CSMD1: variants seen among roughly 807,000 people sequenced by gnomAD.
CSMD1 encodes the protein CUB and sushi domain-containing protein 1.
CSMD1 carries 213 observed loss-of-function variants against 417.5 expected under a neutral mutation model. The ratio of observed to expected loss-of-function variants is 0.51; its 90% CI spans 0.46 to 0.57. The LOEUF is 0.57. Ranked by LOEUF, CSMD1 falls within the 20% of genes least tolerant of loss-of-function variation. The pLI, the probability that CSMD1 is intolerant of heterozygous loss-of-function variation, is 0.00. For synonymous variants in CSMD1, 2,862 were observed against 1,736.8 expected, an observed-to-expected ratio of 1.65 and a Z score of -16.11; for missense variants, 6,923 against 4,529.7, an observed-to-expected ratio of 1.53 and a Z score of -15.17.
intron 23 of CSMD1, among the ~76,000 whole-genome samples, chr8:3,316,811 G>A (rs1805801547): frequency 6.6e-6 from 1 of 152,142 alleles, no homozygotes; most frequent in Non-Finnish European, 1.5e-5. Context: ...GAAGGCAACG[G>A]AGAAGACTGC....
intron 11 of CSMD1, among the ~76,000 whole-genome samples, chr8:3,478,607 C>T (rs947294753): frequency 2.0e-5 from 3 of 152,242 alleles, no homozygotes; most frequent in African/African-American, 4.8e-5. Flanking sequence ...AAGGCCACTC[C>T]GACTTGCTGT....
intron 1 of CSMD1, among the ~76,000 whole-genome samples, chr8:4,987,797 A>T (rs1269956153): frequency 6.6e-6 from 1 of 152,198 alleles, no homozygotes; most frequent in Non-Finnish European, 1.5e-5. Context: ...AAGAAAGCCC[A>T]CATGCTGAGT....
chr8:3,631,701 G>A (rs1473432247), intron 7 of CSMD1, among the ~76,000 whole-genome samples: 1 of 152,200 alleles, frequency 6.6e-6, no homozygotes, highest in East Asian at 1.9e-4. Context: ...ACGGAGGGAA[G>A]AAATTTTACT....
intron 7 of CSMD1, among the ~76,000 whole-genome samples, chr8:3,668,229 A>C (rs761724961): frequency 1.3e-5 from 2 of 152,138 alleles, no homozygotes; most frequent in African/African-American, 4.8e-5. Flanking sequence ...ACATCCGTCC[A>C]CCACTGCTGG....
chr8:4,033,858 C>T (rs555169538), intron 3 of CSMD1, among the ~76,000 whole-genome samples: 3 of 152,144 alleles, frequency 2.0e-5, no homozygotes, highest in Admixed American at 6.5e-5. Flanking sequence ...TGAACTGAAA[C>T]GGTACATCAT....
At chr8:3,644,240 G>C (rs1272999102) in intron 7 of CSMD1, among the ~76,000 whole-genome samples, 1 of 152,182 alleles carries the variant, frequency 6.6e-6, no homozygotes, top group Non-Finnish European at 1.5e-5. Context: ...GGTCGTTGAG[G>C]TGACACTAAC....
At chr8:4,555,964 T>A (rs1372794965) in intron 2 of CSMD1, among the ~76,000 whole-genome samples, 4 of 152,140 alleles carry the variant, frequency 2.6e-5, no homozygotes, top group Non-Finnish European at 4.4e-5. Context: ...GAATTTCTTT[T>A]TCTATATAAA....
chr8:4,864,408 C>G (rs1049296862), intron 1 of CSMD1, among the ~76,000 whole-genome samples: 1 of 151,866 alleles, frequency 6.6e-6, no homozygotes, highest in Admixed American at 6.6e-5. Context: ...AAAAATATCA[C>G]TTCCTTACTT....
intron 5 of CSMD1, among the ~76,000 whole-genome samples, chr8:3,882,561 C>T (rs1328289370): frequency 6.6e-6 from 1 of 152,142 alleles, no homozygotes; most frequent in East Asian, 1.9e-4. Flanking sequence ...TAGGCATATA[C>T]CCAATATTCA....
chr8:2,992,179 GAA>G, intron 54 of CSMD1, among the ~76,000 whole-genome samples: 2 of 151,590 alleles, frequency 1.3e-5, no homozygotes, highest in African/African-American at 4.9e-5. Flanking sequence ...GCACACACAT[GAA>G]CACACACATG....
chr8:4,106,656 T>C (rs1801583817), intron 3 of CSMD1, among the ~76,000 whole-genome samples: 1 of 152,250 alleles, frequency 6.6e-6, no homozygotes, highest in African/African-American at 2.4e-5. Context: ...AGGTATTCAC[T>C]ATAAAAACAG....
At chr8:3,726,970 T>A (rs1015529165) in intron 6 of CSMD1, among the ~76,000 whole-genome samples, 1 of 152,202 alleles carries the variant, frequency 6.6e-6, no homozygotes, top group Admixed American at 6.5e-5. Context: ...CATTTATGAA[T>A]ATACATACCA....
In CSMD1 at chr8:3,214,417, A is replaced by G. The variant is rs1266486867; in HGVS notation, c.4867+80T>C. On this transcript the variant is annotated intron_variant, in intron 30 of 69. Transcript: ENST00000635120. ...ACCGATGAGAGGAATACGTGTTGAA[A>G]TGTGAAACCATTTCTTCAATGAGAT... The G allele has an allele frequency of 4.1e-6, 5 of 1,234,076 alleles. No individual in the cohort carries two copies. The East Asian group carries it at 1.0e-4, about 25-fold the overall frequency. 76.4% of individuals were successfully genotyped at this position (1,234,076 alleles called of 1,614,324 possible).
chr8:4,898,260 C>T (rs965049303), intron 1 of CSMD1, among the ~76,000 whole-genome samples: 1 of 152,008 alleles, frequency 6.6e-6, no homozygotes, highest in Non-Finnish European at 1.5e-5. Context: ...ATGACTTGCC[C>T]GTTTTAGGCC....
intron 1 of CSMD1, among the ~76,000 whole-genome samples, chr8:4,723,841 G>T (rs908775187): frequency 6.6e-6 from 1 of 150,430 alleles, no homozygotes; most frequent in Non-Finnish European, 1.5e-5. Context: ...AATCATGGAG[G>T]ACCTTGTAAG....
At chr8:3,522,416 G>C (rs980766977) in intron 10 of CSMD1, among the ~76,000 whole-genome samples, 1 of 152,142 alleles carries the variant, frequency 6.6e-6, no homozygotes, top group East Asian at 1.9e-4. Flanking sequence ...TGGGGGTTTT[G>C]TATCTACCAG....
intron 12 of CSMD1, among the ~76,000 whole-genome samples, chr8:3,459,786 C>A (rs1318110683): frequency 6.6e-6 from 1 of 152,070 alleles, no homozygotes; most frequent in Non-Finnish European, 1.5e-5. Flanking sequence ...GGAATCAGAG[C>A]AGCATCAACA....
At position 2,938,560 on chromosome 8, in the gene CSMD1, A is replaced by T; in HGVS notation, c.*25T>A. The T allele has an allele frequency of 6.2e-7, 1 of 1,600,264 alleles. No homozygotes were observed. The highest frequency in any genetic ancestry group is 8.5e-7 in the Non-Finnish European group (1 of 1,172,304). The stretch of plus-strand genomic sequence containing the variant: ...TTGTCCATCAGAGGTATGGCTATGA[A>T]TCAGTCCTGTTGGGGCACTGAGGGC... On this transcript the variant is annotated 3_prime_UTR_variant, in exon 70 of 70. Transcript: ENST00000635120.
chr8:4,326,474 G>C (rs1459232761), intron 3 of CSMD1, among the ~76,000 whole-genome samples: 1 of 152,148 alleles, frequency 6.6e-6, no homozygotes, highest in African/African-American at 2.4e-5. Context: ...CTTGACATAA[G>C]GAAGTATCAA....
Sources: gnomAD v4.1 joint callset for allele counts (sites outside exome capture counted in the v4.1 genomes callset) on GRCh38, gnomAD v4.1.1 for gene constraint, MANE v1.5 for transcripts, NCBI Gene and HGNC (gene_info 2026-07-23, HGNC 2026-07-21) for gene names.